CBFA2T3: variants seen among roughly 807,000 people sequenced by gnomAD.
CBFA2T3 encodes CBFA2/RUNX1 partner transcriptional co-repressor 3, also known as transcriptional corepressor CBFA2T3.
CBFA2T3 carries 31 observed loss-of-function variants against 58.6 expected under a neutral mutation model. The ratio of observed to expected loss-of-function variants is 0.53; its 90% CI spans 0.40 to 0.71. The LOEUF (loss-of-function observed/expected upper bound fraction) is 0.71. CBFA2T3 is among the 30% of genes least tolerant of loss of function. The pLI is 0.00. For missense variants in CBFA2T3, 1,076 were observed against 963.1 expected (o/e 1.12, Z -1.55); for synonymous variants, 531 against 421.9 (o/e 1.26, Z -3.17).
Position 88,898,132 on chromosome 16 carries a change from T to C in CBFA2T3, c.325A>G (p.Thr109Ala). ...CCATGAAAACGGCCGTGGGGCAGCG[T>C]CGCAGGCCCGTCCTCTCGATCTGTA... ...PHTHREDGPA[T>A]LPHGRFHGCL... is the part of the protein sequence containing the mutation. The change falls in exon 3 of 12, where the codon ACG becomes GCG. Residue 109 changes from threonine (T) to alanine (A), a missense_variant. By Grantham distance (58) the Thr-to-Ala change is moderately conservative. Coordinates refer to ENST00000268679, the MANE Select transcript of CBFA2T3 (RefSeq NM_005187.6). 6.2e-7 allele frequency: 1 copy of C among 1,613,026 alleles called. No homozygotes were observed. Among genetic ancestry groups the C allele is most frequent in the Non-Finnish European group, 8.5e-7 (1 of 1,179,656 alleles).
At chr16:88,908,861 C>A (rs193157025) in intron 1 of CBFA2T3, among the ~76,000 whole-genome samples, 1 of 152,260 alleles carries the variant, frequency 6.6e-6, no homozygotes. Context: ...CGTCCTACTG[C>A]GTGCCAGGCC....
chr16:88,959,708 G>A (rs1972313926), intron 1 of CBFA2T3, among the ~76,000 whole-genome samples: 1 of 152,214 alleles, frequency 6.6e-6, no homozygotes. Context: ...GCAGGGCAGA[G>A]ACGGTATCTG....
intron 1 of CBFA2T3, among the ~76,000 whole-genome samples, chr16:88,922,505 A>G (rs766688179): frequency 2.6e-5 from 4 of 152,192 alleles, no homozygotes; most frequent in African/African-American, 4.8e-5. Flanking sequence ...AGCACAGAGG[A>G]GGCAGGACCT....
chr16:88,925,728 G>A (rs1241674944), intron 1 of CBFA2T3, among the ~76,000 whole-genome samples: 1 of 152,176 alleles, frequency 6.6e-6, no homozygotes. Flanking sequence ...CCGACTGCCC[G>A]CCGGGAGCCC....
chr16:88,905,739 ACTGGAGGGGCGGGG>A (rs1970298429), intron 1 of CBFA2T3, among the ~76,000 whole-genome samples: 3 of 42,342 alleles, frequency 7.1e-5, no homozygotes, highest in Admixed American at 5.3e-4. Flanking sequence ...GAGGGGCGGG[ACTGGAGGGGCGGGG>A]CTGAAGGACG....
At chr16:88,929,020 C>A (rs116652552) in intron 1 of CBFA2T3, among the ~76,000 whole-genome samples, 2,452 of 152,294 alleles carry the variant, frequency 0.016, 42 homozygotes, top group African/African-American at 0.043. Flanking sequence ...AGGACCTCGG[C>A]TCCGTTCCTG....
intron 1 of CBFA2T3, among the ~76,000 whole-genome samples, chr16:88,923,568 C>T (rs970876544): frequency 2.6e-5 from 4 of 152,154 alleles, no homozygotes; most frequent in Non-Finnish European, 5.9e-5. Context: ...GCAACTGAGC[C>T]GTGAGGGGGC....
chr16:88,977,153 C>T lies in CBFA2T3; in HGVS notation c.-346G>A, dbSNP rs895913732. ...GCAGCTGCGCCCGCCACTTCCCTGA[C>T]AGGAACCATCTGGGGCCCTGCCCTG... On this transcript the variant is annotated 5_prime_UTR_variant, in exon 1 of 12. Coordinates refer to ENST00000268679, the MANE Select transcript of CBFA2T3 (RefSeq NM_005187.6). The T allele has an allele frequency of 3.3e-6, 1 of 306,698 alleles. No homozygotes were observed. The highest frequency in any genetic ancestry group is 2.1e-5 in the African/African-American group (1 of 48,374). The allele number at this position is 306,698 out of a possible 1,614,324, so 19.0% of individuals were successfully genotyped here.
At chr16:88,881,622 T>C in intron 8 of CBFA2T3, 133 bp from the exon 9 acceptor site, 1 of 881,410 alleles carries the variant, frequency 1.1e-6, no homozygotes, top group East Asian at 2.7e-5. Flanking sequence ...AGTAAGGGGG[T>C]GAGGGAGGGC....
chr16:88,895,778 G>C (rs774925177), intron 3 of CBFA2T3, among the ~76,000 whole-genome samples: 3 of 152,218 alleles, frequency 2.0e-5, no homozygotes, highest in African/African-American at 4.8e-5. Context: ...TGGTGAGGAA[G>C]TCCAGACAGA....
intron 1 of CBFA2T3, among the ~76,000 whole-genome samples, chr16:88,971,694 A>G (rs532962846): frequency 1.3e-5 from 2 of 152,332 alleles, no homozygotes; most frequent in African/African-American, 4.8e-5. Flanking sequence ...GAGTTCCTTC[A>G]AAGGGTGGGT....
At chr16:88,924,057 A>C (rs1438474206) in intron 1 of CBFA2T3, among the ~76,000 whole-genome samples, 7 of 152,146 alleles carry the variant, frequency 4.6e-5, no homozygotes, top group Admixed American at 4.6e-4. Flanking sequence ...GTGGTCAGGC[A>C]AGGTCACAGC....
At chr16:88,898,703 G>A (rs537257182) in intron 2 of CBFA2T3, among the ~76,000 whole-genome samples, 1 of 152,324 alleles carries the variant, frequency 6.6e-6, no homozygotes, top group Non-Finnish European at 1.5e-5. Flanking sequence ...CCCTGGGTCG[G>A]CACTGGAGGA....
In CBFA2T3 at chr16:88,881,324, TGCGGGGCCGGGCCGCG is replaced by T; in HGVS notation, c.1353_1368del (p.Arg454ProfsTer9). 6.3e-7 allele frequency: 1 copy of T among 1,587,912 alleles called. No homozygotes were observed. Among genetic ancestry groups the T allele is most frequent in the Non-Finnish European group, 8.6e-7 (1 of 1,168,132 alleles). ...GGCCCTTCGGGACCGGCGGAGCTGC[TGCGGGGCCGGGCCGCG>T]GCGGGAGCGGGGCCCTTCTTTGTGT... On this transcript the variant is annotated frameshift_variant, in exon 9 of 12. Coordinates refer to ENST00000268679, the MANE Select transcript of CBFA2T3 (RefSeq NM_005187.6). LOFTEE classifies it high-confidence loss of function.
At chr16:88,963,628 C>G (rs867631951) in intron 1 of CBFA2T3, among the ~76,000 whole-genome samples, 4 of 152,214 alleles carry the variant, frequency 2.6e-5, no homozygotes, top group Admixed American at 2.6e-4. Context: ...GGGACCAGAC[C>G]GTATGCGGCC....
chr16:88,882,495 G>A (rs1256762855), intron 8 of CBFA2T3, among the ~76,000 whole-genome samples, 181 bp downstream of exon 8: 1 of 149,532 alleles, frequency 6.7e-6, no homozygotes, highest in Non-Finnish European at 1.5e-5. Flanking sequence ...GACTGCACGG[G>A]CGTGGCTGTG....
Position 88,930,897 on chromosome 16 carries a change from G to A in CBFA2T3, c.152-29241C>T, listed in dbSNP as rs192032603. On this transcript the variant is annotated intron_variant, in intron 1 of 11. Coordinates refer to ENST00000268679, the MANE Select transcript of CBFA2T3 (RefSeq NM_005187.6). ...GCAGTGGGAGTGGGGTTTCCTTTCC[G>A]GGTGATGAGCACGTGTGGGAGCGAG... Among the ~76,000 whole-genome samples the A allele has an allele frequency of 7.3e-3, 1,103 of 151,474 alleles. 10 individuals are homozygous for A. The highest frequency in any genetic ancestry group is 0.012 in the Non-Finnish European group (806 of 67,728).
chr16:88,929,933 T>C (rs1971230949), intron 1 of CBFA2T3, among the ~76,000 whole-genome samples: 1 of 146,906 alleles, frequency 6.8e-6, no homozygotes, highest in Non-Finnish European at 1.5e-5. Flanking sequence ...AAGCTACCAA[T>C]ACCCACAGCT....
rs529452523 is a variant in CBFA2T3 at position 88,889,474 on chromosome 16, G to A, written c.711+2408C>T. Among the ~76,000 whole-genome samples, 19 of 151,990 alleles carry A rather than the reference G, an allele frequency of 1.3e-4. No individual in the cohort carries two copies. In the East Asian group the frequency reaches 3.1e-3, roughly 25 times the overall value. On this transcript the variant is annotated intron_variant, in intron 5 of 11. Transcript: ENST00000268679. ...TGGGGTCCCCTTGGGGAGGGACTGA[G>A]GGGAATGAGGGTCTGACCCTGTAAG...
Sources: gnomAD v4.1 joint callset for allele counts (sites outside exome capture counted in the v4.1 genomes callset) on GRCh38, gnomAD v4.1.1 for gene constraint, MANE v1.5 for transcripts, NCBI Gene and HGNC (gene_info 2026-07-23, HGNC 2026-07-21) for gene names.